UGGT2: variants seen among roughly 807,000 people sequenced by gnomAD.
UGGT2 encodes the protein UDP-glucose:glycoprotein glucosyltransferase 2.
UGGT2 carries 180 observed loss-of-function variants against 192.1 expected under a neutral mutation model. The ratio of observed to expected loss-of-function variants is 0.94; its 90% confidence interval spans 0.83 to 1.06. The LOEUF is 1.06. UGGT2 is among the 50% of genes least tolerant of loss of function. The pLI, the probability that UGGT2 is intolerant of heterozygous loss-of-function variation, is 0.00. For missense variants in UGGT2, 1,849 were observed against 1,795.7 expected (o/e 1.03, Z -0.54); for synonymous variants, 580 against 591.0 (o/e 0.98, Z 0.27).
chr13:95,959,978 G>A (rs2050337300), intron 12 of UGGT2, among the ~76,000 whole-genome samples: 1 of 152,098 alleles, frequency 6.6e-6, no homozygotes, highest in South Asian at 2.1e-4. Context: ...AAGCCACCTA[G>A]CAAACAGAGA....
chr13:96,024,863 T>G (rs1359927437), intron 2 of UGGT2, among the ~76,000 whole-genome samples: 1 of 152,226 alleles, frequency 6.6e-6, no homozygotes, highest in Non-Finnish European at 1.5e-5. Context: ...AAGGATGTTC[T>G]GACTGGAAGC....
At chr13:95,836,936 A>G (rs1887349526) in intron 37 of UGGT2, 150 bp downstream of exon 37, 1 of 686,780 alleles carries the variant, frequency 1.5e-6, no homozygotes, top group African/African-American at 1.8e-5. Flanking sequence ...ATAACCCTAT[A>G]CTTGCCAACC....
rs140896451 is a variant in UGGT2, at chr13:96,035,238, T to C, written c.159-3267A>G. Among the ~76,000 whole-genome samples the C allele has an allele frequency of 5.4e-3, 817 of 152,242 alleles. 11 individuals carry two copies. The highest frequency in any genetic ancestry group is 0.019 in the African/African-American group (782 of 41,542). ...ATACACATAGATCAATGGAACAGAA[T>C]AGAGAACTCAGAAATAAGACTGCAC... On this transcript the variant is annotated intron_variant, in intron 1 of 38. Coordinates refer to ENST00000376747, the MANE Select transcript of UGGT2 (RefSeq NM_020121.4).
intron 36 of UGGT2, among the ~76,000 whole-genome samples, chr13:95,845,658 T>G (rs971031999): frequency 6.6e-6 from 1 of 152,170 alleles, no homozygotes; most frequent in Non-Finnish European, 1.5e-5. Flanking sequence ...ATCGTCATCA[T>G]GGCCCGTTCT....
intron 17 of UGGT2, among the ~76,000 whole-genome samples, chr13:95,931,739 C>A (rs919962661): frequency 6.6e-6 from 1 of 152,150 alleles, no homozygotes; most frequent in African/African-American, 2.4e-5. Flanking sequence ...GAGTGCAGGG[C>A]CTGCTGAGCC....
intron 38 of UGGT2, among the ~76,000 whole-genome samples, chr13:95,820,717 A>G (rs1178112979): frequency 2.0e-5 from 3 of 151,822 alleles, no homozygotes; most frequent in Non-Finnish European, 2.9e-5. Context: ...AGTAGTGTAC[A>G]TTGTATCTAA....
At chr13:95,811,726 G>GA (rs1440712699) in intron 38 of UGGT2, among the ~76,000 whole-genome samples, 1 of 151,576 alleles carries the variant, frequency 6.6e-6, no homozygotes, top group Admixed American at 6.6e-5. Flanking sequence ...TAGCATAAGA[G>GA]AAAAGAGGAA....
At chr13:95,940,155 T>A in intron 15 of UGGT2, 64 bp from the exon 16 acceptor site, 3 of 1,248,646 alleles carry the variant, frequency 2.4e-6, no homozygotes, top group Non-Finnish European at 3.2e-6. Context: ...TTTTTTTTCC[T>A]TAGCATGCAG....
intron 24 of UGGT2, among the ~76,000 whole-genome samples, chr13:95,892,557 A>G (rs183135874): frequency 6.6e-6 from 1 of 152,302 alleles, no homozygotes; most frequent in Middle Eastern, 3.4e-3. Context: ...ATCAACTCTT[A>G]CAGATATATT....
At chr13:95,958,886 C>A (rs755604276) in intron 12 of UGGT2, among the ~76,000 whole-genome samples, 1 of 152,180 alleles carries the variant, frequency 6.6e-6, no homozygotes, top group Non-Finnish European at 1.5e-5. Flanking sequence ...GTTTCCACTA[C>A]GGACTCCTAC....
At chr13:95,871,150 TTAAC>T (rs1344175270) in intron 29 of UGGT2, among the ~76,000 whole-genome samples, 2 of 152,166 alleles carry the variant, frequency 1.3e-5, no homozygotes, top group Non-Finnish European at 1.5e-5. Context: ...AAATTTATAT[TTAAC>T]TAATGGTAAT....
intron 13 of UGGT2, 72 bp from the exon 14 acceptor site, chr13:95,948,153 T>A (rs908157756): frequency 1.7e-5 from 21 of 1,255,996 alleles, no homozygotes; most frequent in Non-Finnish European, 2.1e-5. Context: ...TTAGACTAAT[T>A]TTTGTGACTG....
intron 30 of UGGT2, among the ~76,000 whole-genome samples, chr13:95,866,401 G>A (rs897344556): frequency 6.6e-6 from 1 of 152,088 alleles, no homozygotes; most frequent in African/African-American, 2.4e-5. Context: ...TTGACTATGA[G>A]TTGGCCTTCA....
intron 8 of UGGT2, among the ~76,000 whole-genome samples, chr13:95,987,050 C>T (rs2051310812): frequency 6.6e-6 from 1 of 152,080 alleles, no homozygotes; most frequent in Non-Finnish European, 1.5e-5. Context: ...TAAATTCTTT[C>T]ATTACCTACC....
intron 22 of UGGT2, 107 bp downstream of exon 22, chr13:95,900,700 C>T (rs940988479): frequency 1.8e-4 from 222 of 1,244,822 alleles, no homozygotes; most frequent in Non-Finnish European, 2.2e-4. Flanking sequence ...TCATGAACAC[C>T]GTCCTCTGTG....
intron 17 of UGGT2, among the ~76,000 whole-genome samples, chr13:95,927,712 G>C (rs143009677): frequency 6.6e-6 from 1 of 152,146 alleles, no homozygotes; most frequent in East Asian, 1.9e-4. Flanking sequence ...GTTTCTCGGA[G>C]AGGGGGATTT....
chr13:96,008,286 C>T (rs2052045565), intron 5 of UGGT2, among the ~76,000 whole-genome samples: 1 of 152,104 alleles, frequency 6.6e-6, no homozygotes, highest in African/African-American at 2.4e-5. Flanking sequence ...GACAAATACC[C>T]ATCTGACAAG....
At chr13:95,949,480 A>G (rs1594414831) in intron 12 of UGGT2, 26 bp from the exon 13 acceptor site, 1 of 1,437,218 alleles carries the variant, frequency 7.0e-7, no homozygotes, top group East Asian at 2.5e-5. Flanking sequence ...GACACTTGTG[A>G]AAGCTATATT....
intron 20 of UGGT2, among the ~76,000 whole-genome samples, chr13:95,915,674 C>A (rs1043592520): frequency 2.0e-5 from 3 of 152,232 alleles, no homozygotes; most frequent in African/African-American, 7.2e-5. Flanking sequence ...TGGCCACCAT[C>A]TCTGCAGATT....
Sources: allele counts gnomAD v4.1 joint callset (sites outside exome capture counted in the v4.1 genomes callset), GRCh38; gene constraint gnomAD v4.1.1; transcripts MANE v1.5; gene names NCBI Gene and HGNC (gene_info 2026-07-23, HGNC 2026-07-21).